Variants in TEAD1 observed in about 807,000 individuals in gnomAD.
TEAD1 encodes TEA domain transcription factor 1.
In TEAD1, 9 loss-of-function variants were observed where a neutral mutation model predicts 54.9. The observed-to-expected ratio is 0.16, with a 90% CI of 0.10 to 0.29. The LOEUF is 0.29. TEAD1 is among the 10% of genes least tolerant of loss of function. The probability of loss-of-function intolerance (pLI) is 1.00; values close to 1 mark genes in which losing one functional copy is unlikely to be tolerated. For missense variants in TEAD1, 387 were observed against 535.9 expected, an observed-to-expected ratio of 0.72 and a Z score of 2.74; for synonymous variants, 200 against 187.8, an observed-to-expected ratio of 1.07 and a Z score of -0.53.
intron 10 of TEAD1, among the ~76,000 whole-genome samples, chr11:12,902,752 T>C (rs759093112): frequency 1.3e-5 from 2 of 152,126 alleles, no homozygotes; most frequent in Non-Finnish European, 2.9e-5. Context: ...TTAAAGGCCC[T>C]AAGCGACCTG....
chr11:12,933,030 T>C (rs1034289394), intron 12 of TEAD1, among the ~76,000 whole-genome samples: 1 of 152,184 alleles, frequency 6.6e-6, no homozygotes, highest in Non-Finnish European at 1.5e-5. Flanking sequence ...GGCTACACCA[T>C]ATAGCCTAGG....
intron 10 of TEAD1, among the ~76,000 whole-genome samples, chr11:12,906,397 C>T (rs991952120): frequency 2.0e-5 from 3 of 151,802 alleles, no homozygotes; most frequent in South Asian, 4.2e-4. Context: ...AAAAATTAGC[C>T]GGGTGTGGTG....
intron 10 of TEAD1, among the ~76,000 whole-genome samples, chr11:12,924,377 A>G (rs934053930): frequency 1.3e-5 from 2 of 152,224 alleles, no homozygotes; most frequent in African/African-American, 4.8e-5. Context: ...AACCTTTCAT[A>G]GTAGGTGCTT....
chr11:12,705,950 A>C (rs1412345114), intron 2 of TEAD1, among the ~76,000 whole-genome samples: 2 of 152,282 alleles, frequency 1.3e-5, no homozygotes, highest in East Asian at 3.9e-4. Context: ...TAGTGTGATT[A>C]CCCTCGTTTG....
chr11:12,868,958 G>A (rs779294570), intron 5 of TEAD1, among the ~76,000 whole-genome samples: 21 of 152,306 alleles, frequency 1.4e-4, no homozygotes, highest in Non-Finnish European at 2.8e-4. Flanking sequence ...TGGGAGTGAG[G>A]GAATTAAAGC....
chr11:12,783,940 G>T (rs529042328), intron 3 of TEAD1, among the ~76,000 whole-genome samples: 4 of 152,266 alleles, frequency 2.6e-5, no homozygotes, highest in Admixed American at 2.6e-4. Context: ...ACACAGGAAG[G>T]GGGGATGGGA....
chr11:12,757,562 C>T lies in TEAD1; in HGVS notation c.-54-6617C>T, dbSNP rs1945008100. Among the ~76,000 whole-genome samples, 4 of 152,170 alleles carry T rather than the reference C, an allele frequency of 2.6e-5. 1 individual carries two copies. In the South Asian group the frequency reaches 8.3e-4, roughly 31 times the overall value. ...CAGCCACCCAACTCTTCGTTATTTA[C>T]ACTGTGCCTGGCTTACAGTCTGTCT... On this transcript the variant is annotated intron_variant, in intron 2 of 12. Coordinates refer to ENST00000527636, the MANE Select transcript of TEAD1 (RefSeq NM_021961.6).
At chr11:12,836,483 T>C (rs1372940712) in intron 3 of TEAD1, among the ~76,000 whole-genome samples, 1 of 151,816 alleles carries the variant, frequency 6.6e-6, no homozygotes, top group Non-Finnish European at 1.5e-5. Context: ...CTTAGTGTAG[T>C]GTGGATGAGT....
At chr11:12,722,084 A>C (rs921787560) in intron 2 of TEAD1, among the ~76,000 whole-genome samples, 1 of 152,234 alleles carries the variant, frequency 6.6e-6, no homozygotes, top group Admixed American at 6.5e-5. Flanking sequence ...TCTGTGAACC[A>C]CACATGGATG....
Position 12,765,801 on chromosome 11 carries a change from G to C in TEAD1, c.202+1367G>C, listed in dbSNP as rs55901795. 2.0e-5 allele frequency among the ~76,000 whole-genome samples: 3 copies of C among 152,264 alleles called. 1 individual carries two copies. The South Asian group carries it at 6.2e-4, about 32-fold the overall frequency. On this transcript the variant is annotated intron_variant, in intron 3 of 12. Transcript: ENST00000527636. ...CCTTTGTAGCCAGGGAAGCCTCTTC[G>C]TATCTGGTGAAATGGACTGGGGATG...
intron 10 of TEAD1, among the ~76,000 whole-genome samples, chr11:12,920,260 C>G (rs1444977071): frequency 6.6e-6 from 1 of 152,190 alleles, no homozygotes; most frequent in Non-Finnish European, 1.5e-5. Flanking sequence ...CTCGTACAGA[C>G]AGAACCGTAA....
At chr11:12,700,610 A>G (rs973778903) in intron 2 of TEAD1, among the ~76,000 whole-genome samples, 2 of 152,100 alleles carry the variant, frequency 1.3e-5, no homozygotes, top group Non-Finnish European at 2.9e-5. Flanking sequence ...TTTTTTTTCT[A>G]TGATAGGAGG....
chr11:12,834,220 G>A (rs181656161), intron 3 of TEAD1, among the ~76,000 whole-genome samples: 1 of 152,184 alleles, frequency 6.6e-6, no homozygotes, highest in Non-Finnish European at 1.5e-5. Context: ...AGAGGGGAGG[G>A]TGAGATATGA....
intron 10 of TEAD1, among the ~76,000 whole-genome samples, chr11:12,908,206 C>T (rs530119115): frequency 1.3e-5 from 2 of 152,244 alleles, no homozygotes; most frequent in South Asian, 4.1e-4. Flanking sequence ...AGAACCAGAC[C>T]TCCTCTATGT....
chr11:12,774,240 A>G (rs1945372025), intron 3 of TEAD1, among the ~76,000 whole-genome samples: 1 of 152,152 alleles, frequency 6.6e-6, no homozygotes, highest in Admixed American at 6.5e-5. Context: ...GGCCACAAAT[A>G]CGGTCAACTG....
chr11:12,851,669 G>A (rs1404929639), intron 3 of TEAD1, among the ~76,000 whole-genome samples: 1 of 151,854 alleles, frequency 6.6e-6, no homozygotes, highest in African/African-American at 2.4e-5. Context: ...ACATGGTGGC[G>A]GGCAACTGTA....
chr11:12,815,399 C>T (rs879603059), intron 3 of TEAD1, among the ~76,000 whole-genome samples: 7 of 152,012 alleles, frequency 4.6e-5, no homozygotes, highest in Non-Finnish European at 7.4e-5. Flanking sequence ...ATATTTTATT[C>T]GTACTTGATT....
chr11:12,740,682 G>T, intron 2 of TEAD1, among the ~76,000 whole-genome samples: 1 of 152,108 alleles, frequency 6.6e-6, no homozygotes, highest in East Asian at 1.9e-4. Context: ...GATCTTGTGA[G>T]AACTCATTCA....
rs186980945 is a variant in TEAD1 at position 12,699,831 on chromosome 11, C to A, written c.-55+24270C>A. Among the ~76,000 whole-genome samples the A allele has an allele frequency of 1.4e-3, 219 of 152,276 alleles. 1 individual carries two copies. The highest frequency in any genetic ancestry group is 2.7e-3 in the Non-Finnish European group (186 of 68,022). On this transcript the variant is annotated intron_variant, in intron 2 of 12. Coordinates refer to ENST00000527636, the MANE Select transcript of TEAD1 (RefSeq NM_021961.6). ...CATGTCGAATTGTTTGGATTTGGAT[C>A]CCAGTTTGAATTCAGTGCACCTTTT...
Sources: allele counts gnomAD v4.1 joint callset (sites outside exome capture counted in the v4.1 genomes callset), GRCh38; gene constraint gnomAD v4.1.1; transcripts MANE v1.5; gene names NCBI Gene and HGNC (gene_info 2026-07-23, HGNC 2026-07-21).